The following POMP variants were observed in gnomAD, a reference collection of about 807,000 sequenced individuals.
POMP encodes the protein proteasome maturation protein.
POMP carries 12 observed loss-of-function variants against 20.6 expected under a neutral mutation model. The observed-to-expected ratio is 0.58, with a 90% confidence interval of 0.37 to 0.94. The LOEUF (loss-of-function observed/expected upper bound fraction) is 0.94, where lower values mean the gene tolerates loss of function less well. Ranked by LOEUF, POMP falls within the 40% of genes least tolerant of loss-of-function variation. The pLI is 0.01. For missense variants in POMP, 136 were observed against 161.1 expected (o/e 0.84, Z 0.84); for synonymous variants, 53 against 55.0 (o/e 0.96, Z 0.16).
chr13:28,676,025 T>A (rs574038145), intron 5 of POMP, among the ~76,000 whole-genome samples: 1 of 151,884 alleles, frequency 6.6e-6, no homozygotes, highest in East Asian at 1.9e-4. Flanking sequence ...CATGGCTTTG[T>A]TTTTTTTCTC....
intron 4 of POMP, among the ~76,000 whole-genome samples, chr13:28,670,637 C>CTTA (rs1884530495): frequency 6.6e-6 from 1 of 152,252 alleles, no homozygotes. Context: ...TTCTTATCCT[C>CTTA]TTAAACTACT....
chr13:28,667,981 T>C (rs1884477726), intron 3 of POMP, among the ~76,000 whole-genome samples: 1 of 152,216 alleles, frequency 6.6e-6, no homozygotes, highest in Non-Finnish European at 1.5e-5. Flanking sequence ...CTGAGGCAAG[T>C]ACCAAAAATA....
intron 5 of POMP, among the ~76,000 whole-genome samples, chr13:28,676,571 T>C (rs1015797966): frequency 1.3e-5 from 2 of 152,198 alleles, no homozygotes; most frequent in African/African-American, 4.8e-5. Flanking sequence ...CACATTCTTA[T>C]CACCTTTGAC....
Position 28,659,132 on chromosome 13 carries a change from C to A in POMP, c.-53C>A. 1 of 1,571,410 alleles carries A rather than the reference C, an allele frequency of 6.4e-7. No individual in the cohort carries two copies. The highest frequency in any genetic ancestry group is 8.6e-7 in the Non-Finnish European group (1 of 1,158,810). On this transcript the variant is annotated 5_prime_UTR_variant, in exon 1 of 6. Coordinates refer to ENST00000380842, the MANE Select transcript of POMP (RefSeq NM_015932.6). Reference sequence around the variant, plus strand: ...AGCCCTCGGAAACGGAAGTGAGCGGCGGGGTCGACTGACGGTAACGGGGCA... The same window carrying A: ...AGCCCTCGGAAACGGAAGTGAGCGGAGGGGTCGACTGACGGTAACGGGGCA...
Position 28,672,329 on chromosome 13 carries a change from T to C in POMP, c.265-10T>C. ...TTTCTAATCTTGTCCCTTCATACTTTTCCCCAAAGGTTCAGCGTCTTCCAT... is the reference window on the plus strand; with the variant it reads ...TTTCTAATCTTGTCCCTTCATACTTCTCCCCAAAGGTTCAGCGTCTTCCAT... On this transcript the variant is annotated splice_polypyrimidine_tract_variant and intron_variant, in intron 4 of 5. Coordinates refer to ENST00000380842, the MANE Select transcript of POMP (RefSeq NM_015932.6). The C allele has an allele frequency of 6.3e-7, 1 of 1,584,684 alleles. No homozygotes were observed. Among genetic ancestry groups the C allele is most frequent in the Non-Finnish European group, 8.7e-7 (1 of 1,153,342 alleles).
intron 2 of POMP, among the ~76,000 whole-genome samples, chr13:28,663,804 C>T (rs1039542861): frequency 2.0e-5 from 3 of 151,212 alleles, no homozygotes; most frequent in Non-Finnish European, 2.9e-5. Flanking sequence ...TTTTTTCCCC[C>T]CACATGAAAT....
chr13:28,665,683 G>T (rs1352266151), intron 3 of POMP, among the ~76,000 whole-genome samples: 1 of 152,236 alleles, frequency 6.6e-6, no homozygotes, highest in Admixed American at 6.5e-5. Context: ...TGAGCTGTGA[G>T]CATTTAATAG....
chr13:28,672,663 G>A (rs1884570420), intron 5 of POMP, among the ~76,000 whole-genome samples: 1 of 152,116 alleles, frequency 6.6e-6, no homozygotes, highest in Non-Finnish European at 1.5e-5. Context: ...TTGGGAGGCC[G>A]GGGTGGGCAG....
chr13:28,676,006 TG>T (rs1399365317), intron 5 of POMP, among the ~76,000 whole-genome samples: 1 of 152,080 alleles, frequency 6.6e-6, no homozygotes, highest in Non-Finnish European at 1.5e-5. Context: ...CCTTCCGCAC[TG>T]GGAATCACAT....
intron 4 of POMP, among the ~76,000 whole-genome samples, chr13:28,671,759 G>A (rs1407930954): frequency 2.0e-5 from 3 of 151,864 alleles, no homozygotes; most frequent in Non-Finnish European, 4.4e-5. Flanking sequence ...GTTGGGGGTG[G>A]GGGGAATGTG....
At chr13:28,666,399 T>C (rs1171839672) in intron 3 of POMP, among the ~76,000 whole-genome samples, 2 of 152,254 alleles carry the variant, frequency 1.3e-5, no homozygotes, top group Non-Finnish European at 2.9e-5. Flanking sequence ...ATTTGGAATA[T>C]TGGTTTAGTT....
chr13:28,674,984 A>G (rs952031911), intron 5 of POMP, among the ~76,000 whole-genome samples: 1 of 152,064 alleles, frequency 6.6e-6, no homozygotes, highest in Non-Finnish European at 1.5e-5. Flanking sequence ...GGCCACAGTG[A>G]GCAGGGATCA....
rs927134369 is a variant in POMP at position 28,672,276 on chromosome 13, A to G, written c.265-63A>G. On this transcript the variant is annotated intron_variant, in intron 4 of 5. Transcript: ENST00000380842. The stretch of plus-strand genomic sequence containing the variant: ...AGAATAAAGAACATGAAATTAGACT[A>G]TATATTCTGTCATTTTCCCCTGAGT... The G allele has an allele frequency of 3.3e-6, 4 of 1,198,378 alleles. No individual in the cohort carries two copies. The African/African-American group carries it at 4.5e-5, about 13-fold the overall frequency. The allele number at this position is 1,198,378 out of a possible 1,614,324, so 74.2% of individuals were successfully genotyped here. A position where few individuals can be genotyped will look rare whatever the true frequency, so the allele number is the denominator to read the frequency against.
At chr13:28,668,735 G>T (rs1210020691) in intron 4 of POMP, among the ~76,000 whole-genome samples, 161 bp downstream of exon 4, 2 of 152,020 alleles carry the variant, frequency 1.3e-5, no homozygotes, top group Admixed American at 6.6e-5. Flanking sequence ...AGGGAAAAAA[G>T]AAGTCATTAA....
rs1185799908 is a variant in POMP at position 28,662,318 on chromosome 13, G to T, written c.4-92G>T. ...CTTTTTGAGGGCCTCTTATTTTTCT[G>T]TCTCCTACTTAAACAATATTTTTGA... On this transcript the variant is annotated intron_variant, in intron 1 of 5. Coordinates refer to ENST00000380842, the MANE Select transcript of POMP (RefSeq NM_015932.6). The T allele has an allele frequency of 1.1e-5, 10 of 904,600 alleles. No individual in the cohort carries two copies. In the East Asian group the frequency reaches 2.3e-4, roughly 21 times the overall value. The allele number at this position is 904,600 out of a possible 1,614,324, so 56.0% of individuals were successfully genotyped here.
intron 5 of POMP, among the ~76,000 whole-genome samples, chr13:28,673,699 A>G (rs1033214612): frequency 1.3e-5 from 2 of 152,218 alleles, no homozygotes; most frequent in Non-Finnish European, 2.9e-5. Context: ...TTTACATTGA[A>G]CTTAGACCTT....
Position 28,668,572 on chromosome 13 carries a change from C to CA in POMP, c.263dup (p.Val89GlyfsTer20). Reference sequence around the variant, plus strand: ...ACAGATGGAATTCAAGGCAGTGCAGCAGGTGAGTTGATGGATCTCTGTTGC... The same window carrying CA: ...ACAGATGGAATTCAAGGCAGTGCAGCAAGGTGAGTTGATGGATCTCTGTTGC... On this transcript the variant is annotated frameshift_variant and splice_region_variant, in exon 4 of 6. Coordinates refer to ENST00000380842, the MANE Select transcript of POMP (RefSeq NM_015932.6). LOFTEE classifies it high-confidence loss of function. The CA allele has an allele frequency of 1.3e-6, 2 of 1,594,304 alleles. No individual in the cohort carries two copies. Among genetic ancestry groups the CA allele is most frequent in the Non-Finnish European group, 1.7e-6 (2 of 1,162,084 alleles).
intron 4 of POMP, among the ~76,000 whole-genome samples, chr13:28,669,122 G>A (rs1158309382): frequency 6.6e-6 from 1 of 152,030 alleles, no homozygotes; most frequent in East Asian, 1.9e-4. Context: ...AAAAAAAATT[G>A]TATCAATTTC....
At chr13:28,661,548 T>C (rs1407318492) in intron 1 of POMP, among the ~76,000 whole-genome samples, 3 of 152,212 alleles carry the variant, frequency 2.0e-5, no homozygotes, top group Non-Finnish European at 2.9e-5. Flanking sequence ...TATATTTTCA[T>C]AAGCTGAAGC....
Sources: gnomAD v4.1 joint callset for allele counts (sites outside exome capture counted in the v4.1 genomes callset) on GRCh38, gnomAD v4.1.1 for gene constraint, MANE v1.5 for transcripts, NCBI Gene and HGNC (gene_info 2026-07-23, HGNC 2026-07-21) for gene names.